The following PANK4 variants were observed in gnomAD, a reference collection of about 807,000 sequenced individuals.
PANK4 encodes the protein pantothenate kinase 4 (inactive).
PANK4 carries 40 observed loss-of-function variants against 87.9 expected under a neutral mutation model. That is an observed-to-expected ratio of 0.46 (90% confidence interval 0.35 to 0.59). PANK4 has a LOEUF of 0.59. PANK4 is among the 20% of genes least tolerant of loss of function. The pLI is 0.00. For synonymous variants in PANK4, 524 were observed against 467.4 expected, an observed-to-expected ratio of 1.12 and a Z score of -1.56; for missense variants, 926 against 1,072.3, an observed-to-expected ratio of 0.86 and a Z score of 1.90.
intron 9 of PANK4, among the ~76,000 whole-genome samples, chr1:2,516,458 C>T (rs1474427182): frequency 6.6e-6 from 1 of 152,196 alleles, no homozygotes; most frequent in African/African-American, 2.4e-5. Context: ...CATCAGTACT[C>T]GGCTCTCTGC....
In PANK4 at chr1:2,515,752, C is replaced by T; in HGVS notation, c.1219-35G>A. On this transcript the variant is annotated intron_variant, in intron 9 of 18. Transcript: ENST00000378466. This position sits in a 1 kb window ranked among gnomAD's most constrained non-coding sequence, Gnocchi z 5.0. ...AGGCAGTGGCAGGGTGGAAACGTCA[C>T]CATGGTTCAGAACGACCCAAGCCAC... 6.2e-7 allele frequency: 1 copy of T among 1,602,442 alleles called. No homozygotes were observed. The highest frequency in any genetic ancestry group is 1.1e-5 in the South Asian group (1 of 90,190).
chr1:2,518,150 A>T lies in PANK4; in HGVS notation c.1218+14T>A. 1 of 1,562,774 alleles carries T rather than the reference A, an allele frequency of 6.4e-7. No homozygotes were observed. The highest frequency in any genetic ancestry group is 8.7e-7 in the Non-Finnish European group (1 of 1,147,876). On this transcript the variant is annotated intron_variant, in intron 9 of 18. Coordinates refer to ENST00000378466, the MANE Select transcript of PANK4 (RefSeq NM_018216.4). ...CTCCCCTGGGGCCCGGGGCGGCCAG[A>T]GCCCACTACTCACAGTGCCACTCCG...
intron 12 of PANK4, among the ~76,000 whole-genome samples, chr1:2,513,786 G>A (rs747212757): frequency 6.6e-6 from 1 of 152,202 alleles, no homozygotes; most frequent in Non-Finnish European, 1.5e-5. Flanking sequence ...CCCCTAAGTG[G>A]CCCCAGCATC....
rs774434773 is a variant in PANK4, at chr1:2,515,446, G to T, written c.1374+116C>A. On this transcript the variant is annotated intron_variant, in intron 10 of 18. Transcript: ENST00000378466. The surrounding 1 kb of genome is among the most constrained non-coding windows in gnomAD (Gnocchi z 5.0). Reference sequence around the variant, plus strand: ...CCCTCACTCAGACGCAGATCAAGGGGTTTCTGGACAACACTGGCCTGTCCC... The same window carrying T: ...CCCTCACTCAGACGCAGATCAAGGGTTTTCTGGACAACACTGGCCTGTCCC... The T allele has an allele frequency of 1.4e-5, 16 of 1,184,024 alleles. No individual in the cohort carries two copies. In the Admixed American group the frequency reaches 2.8e-4, roughly 21 times the overall value. 73.3% of individuals were successfully genotyped at this position (1,184,024 alleles called of 1,614,324 possible). A position where few individuals can be genotyped will look rare whatever the true frequency, so the allele number is the denominator to read the frequency against.
chr1:2,526,397 T>A, intron 1 of PANK4, 67 bp downstream of exon 1: 140 of 467,162 alleles, frequency 3.0e-4, no homozygotes, highest in Middle Eastern at 1.1e-3. Context: ...CCGCCCCCGC[T>A]CGCCGGCCCA....
intron 1 of PANK4, among the ~76,000 whole-genome samples, chr1:2,523,829 C>T (rs1643898230): frequency 6.6e-6 from 1 of 152,244 alleles, no homozygotes; most frequent in Non-Finnish European, 1.5e-5. Context: ...GCAAACCGCG[C>T]CTGGCAAGGC....
chr1:2,510,673 C>A lies in PANK4; in HGVS notation c.1938+5G>T. 6.5e-7 allele frequency: 1 copy of A among 1,546,018 alleles called. No individual in the cohort carries two copies. On this transcript the variant is annotated splice_donor_5th_base_variant and intron_variant, in intron 16 of 18. Coordinates refer to ENST00000378466, the MANE Select transcript of PANK4 (RefSeq NM_018216.4). This position sits in a 1 kb window ranked among gnomAD's most constrained non-coding sequence, Gnocchi z 4.9. Reference sequence around the variant, plus strand: ...AAGGGCCCCACCCACCACCTCAACACTCACCTCTGTCCCTCTAAGGAGTAG... The same window carrying A: ...AAGGGCCCCACCCACCACCTCAACAATCACCTCTGTCCCTCTAAGGAGTAG...
At chr1:2,524,769 G>A (rs762031849) in intron 1 of PANK4, among the ~76,000 whole-genome samples, 2 of 152,168 alleles carry the variant, frequency 1.3e-5, no homozygotes, top group Non-Finnish European at 2.9e-5. Flanking sequence ...ATTTAATCCC[G>A]ACTTGCTTCC....
intron 12 of PANK4, among the ~76,000 whole-genome samples, 196 bp from the exon 13 acceptor site, chr1:2,513,235 G>A (rs1643694640): frequency 6.6e-6 from 1 of 152,246 alleles, no homozygotes; most frequent in Admixed American, 6.5e-5. Flanking sequence ...TGAGGACGAG[G>A]CCCAGGACAA....
rs892078246 is a variant in PANK4, at chr1:2,520,831, G to A, written c.498C>T (p.Ala166=). The A allele has an allele frequency of 2.6e-5, 41 of 1,600,322 alleles. No individual in the cohort carries two copies. Among genetic ancestry groups the A allele is most frequent in the Non-Finnish European group, 2.8e-5 (33 of 1,173,860 alleles). The part of the protein sequence containing the change: ...NFVLKNIPHE[A]FVYQKDSDPE... Reference sequence around the variant, plus strand: ...GGTCGGAATCCTTCTGGTACACGAAGGCCTCATGGGGGATGTTCTTGAGCA... The same window carrying A: ...GGTCGGAATCCTTCTGGTACACGAAAGCCTCATGGGGGATGTTCTTGAGCA... Residue 166 remains alanine, a synonymous_variant, in exon 4 of 19, where the codon GCC becomes GCT. Coordinates refer to ENST00000378466, the MANE Select transcript of PANK4 (RefSeq NM_018216.4). This position sits in a 1 kb window ranked among gnomAD's most constrained non-coding sequence, Gnocchi z 6.2.
rs1024909411 is a variant in PANK4, at chr1:2,520,712, C to T, written c.606+11G>A. 39 of 1,608,420 alleles carry T rather than the reference C, an allele frequency of 2.4e-5. No homozygotes were observed. Among genetic ancestry groups the T allele is most frequent in the Non-Finnish European group, 3.3e-5 (39 of 1,176,416 alleles). On this transcript the variant is annotated intron_variant, in intron 4 of 18. Transcript: ENST00000378466. The surrounding 1 kb of genome is among the most constrained non-coding windows in gnomAD (Gnocchi z 6.2). ...ACCATCCACTCATTCATTCATGAAGCCGGGTCTTACCTTCACGATGGAGAC... is the reference window on the plus strand; with the variant it reads ...ACCATCCACTCATTCATTCATGAAGTCGGGTCTTACCTTCACGATGGAGAC...
At chr1:2,518,117 A>C (rs1441507689) in intron 9 of PANK4, 47 bp downstream of exon 9, 1 of 1,228,738 alleles carries the variant, frequency 8.1e-7, no homozygotes. Flanking sequence ...TGAGTGCGGC[A>C]TAGGCTGCTC....
At chr1:2,522,184 A>G (rs1643880662) in intron 1 of PANK4, among the ~76,000 whole-genome samples, 1 of 152,210 alleles carries the variant, frequency 6.6e-6, no homozygotes, top group South Asian at 2.1e-4. Context: ...ATAAGCTGAC[A>G]AATCCAGGCT....
chr1:2,517,793 G>A (rs2100783943), intron 9 of PANK4, among the ~76,000 whole-genome samples: 1 of 152,376 alleles, frequency 6.6e-6, no homozygotes, highest in African/African-American at 2.4e-5. Flanking sequence ...TCCTAGGCAG[G>A]GCCCTGGGTG....
In PANK4 at chr1:2,511,418, C is replaced by A. The variant is rs1251445758; in HGVS notation, c.1784-31G>T. The stretch of plus-strand genomic sequence containing the variant: ...ACAGAGAGAGGGACACATGATTAGC[C>A]CGGTGCTCCAGGTCAGGGGTCAGGG... On this transcript the variant is annotated intron_variant, in intron 14 of 18. Coordinates refer to ENST00000378466, the MANE Select transcript of PANK4 (RefSeq NM_018216.4). 5.7e-6 allele frequency: 9 copies of A among 1,568,336 alleles called. No homozygotes were observed. The Middle Eastern group carries it at 5.0e-4, about 87-fold the overall frequency.
rs747354045 is a variant in PANK4, at chr1:2,519,825, C to A, written c.829G>T (p.Gly277Trp). The A allele has an allele frequency of 6.3e-7, 1 of 1,580,696 alleles. No individual in the cohort carries two copies. Among genetic ancestry groups the A allele is most frequent in the East Asian group, 2.3e-5 (1 of 43,230 alleles). ...LSGNLIASSF[G>W]KSATADQEFS... is the part of the protein sequence containing the mutation. ...CCTTGGTCGGCGGTGGCCGACTTCC[C>A]GAAGCTGCTGGCGATGAGGTTCCCG... Residue 277 changes from glycine (G) to tryptophan (W), a missense_variant, in exon 6 of 19, where the codon GGG becomes TGG. Coordinates refer to ENST00000378466, the MANE Select transcript of PANK4 (RefSeq NM_018216.4). The surrounding 1 kb of genome is among the most constrained non-coding windows in gnomAD (Gnocchi z 8.3).
intron 11 of PANK4, 112 bp downstream of exon 11, chr1:2,514,242 A>ACCCACC: frequency 8.9e-7 from 1 of 1,118,840 alleles, no homozygotes; most frequent in Non-Finnish European, 1.3e-6. Flanking sequence ...CAGGGCCCAC[A>ACCCACC]CCCACCCCCA....
chr1:2,514,404 C>G lies in PANK4; in HGVS notation c.1437G>C (p.Lys479Asn). 2 of 1,612,532 alleles carry G rather than the reference C, an allele frequency of 1.2e-6. No homozygotes were observed. Among genetic ancestry groups the G allele is most frequent in the Non-Finnish European group, 1.7e-6 (2 of 1,179,918 alleles). ...DSVDAAERAEKFRQKYWNKLQ... is the reference protein window; with the variant it reads ...DSVDAAERAENFRQKYWNKLQ... The stretch of plus-strand genomic sequence containing the variant: ...GCTTGTTCCAGTACTTCTGCCGGAA[C>G]TTCTCCGCCCTCTCGGCTGCATCCA... Residue 479 changes from lysine (K) to asparagine (N), a missense_variant, in exon 11 of 19, where the codon AAG (lysine) becomes AAC (asparagine). Transcript: ENST00000378466.
intron 2 of PANK4, 183 bp from the exon 3 acceptor site, chr1:2,521,498 G>A (rs1366233591): frequency 1.5e-6 from 1 of 688,058 alleles, no homozygotes; most frequent in Non-Finnish European, 2.6e-6. Context: ...CACCCAGCAG[G>A]AGCGGAAGCC....
Sources: gnomAD v4.1 joint callset for allele counts (sites outside exome capture counted in the v4.1 genomes callset) on GRCh38, gnomAD v4.1.1 for gene constraint, Gnocchi (gnomAD v3.1) non-coding constraint, MANE v1.5 for transcripts, NCBI Gene and HGNC (gene_info 2026-07-23, HGNC 2026-07-21) for gene names.